MAP2K5: variants seen among roughly 807,000 people sequenced by gnomAD.
MAP2K5 encodes the protein mitogen-activated protein kinase kinase 5.
MAP2K5 carries 49 observed loss-of-function variants against 83.1 expected under a neutral mutation model. The observed-to-expected ratio is 0.59, with a 90% confidence interval of 0.47 to 0.75. The LOEUF (loss-of-function observed/expected upper bound fraction) is 0.75. MAP2K5 is among the 30% of genes least tolerant of loss of function. The probability of loss-of-function intolerance (pLI) is 0.00; values close to 1 mark genes in which losing one functional copy is unlikely to be tolerated. For synonymous variants in MAP2K5, 202 were observed against 191.8 expected (o/e 1.05, Z -0.44); for missense variants, 457 against 557.5 (o/e 0.82, Z 1.82).
At chr15:67,619,856 A>G (rs542072513) in intron 8 of MAP2K5, among the ~76,000 whole-genome samples, 1 of 152,130 alleles carries the variant, frequency 6.6e-6, no homozygotes, top group Non-Finnish European at 1.5e-5. Context: ...ATTTGAGGCC[A>G]GGAGTTCAAG....
chr15:67,666,306 T>C (rs1383401219), intron 13 of MAP2K5, among the ~76,000 whole-genome samples: 5 of 152,198 alleles, frequency 3.3e-5, no homozygotes, highest in African/African-American at 1.2e-4. Flanking sequence ...ATTATCTTGA[T>C]TTTTCTTCTT....
At chr15:67,641,567 A>C (rs1358656446) in intron 9 of MAP2K5, 1 of 998,462 alleles carries the variant, frequency 1.0e-6, no homozygotes, top group Non-Finnish European at 1.2e-6. Flanking sequence ...AGAGTAAATT[A>C]TAATTCAGTC....
At chr15:67,633,014 A>G (rs2086510309) in intron 9 of MAP2K5, among the ~76,000 whole-genome samples, 1 of 152,242 alleles carries the variant, frequency 6.6e-6, no homozygotes, top group Non-Finnish European at 1.5e-5. Context: ...GTAGAACTGG[A>G]AGAGACCTTG....
intron 6 of MAP2K5, among the ~76,000 whole-genome samples, chr15:67,592,324 G>C (rs1361625578): frequency 6.6e-6 from 1 of 152,016 alleles, no homozygotes; most frequent in Admixed American, 6.5e-5. Context: ...TAGATTTTTT[G>C]TAATATTTAA....
chr15:67,563,034 C>T lies in MAP2K5; in HGVS notation c.185-249C>T, dbSNP rs1485500706. ...ATACTCCAGTTATATTTACTTTAACCTAGAGATATGTTGTGAATGACATGA... is the reference window on the plus strand; with the variant it reads ...ATACTCCAGTTATATTTACTTTAACTTAGAGATATGTTGTGAATGACATGA... On this transcript the variant is annotated intron_variant, in intron 2 of 21. Transcript: ENST00000178640. This position sits in a 1 kb window ranked among gnomAD's most constrained non-coding sequence, Gnocchi z 4.5. Among the ~76,000 whole-genome samples, 6 of 152,028 alleles carry T rather than the reference C, an allele frequency of 3.9e-5. No individual in the cohort carries two copies. The East Asian group carries it at 1.2e-3, about 29-fold the overall frequency.
chr15:67,696,934 G>A (rs571255687), intron 15 of MAP2K5, among the ~76,000 whole-genome samples: 3 of 152,126 alleles, frequency 2.0e-5, no homozygotes, highest in African/African-American at 2.4e-5. Flanking sequence ...AGCTGAGATC[G>A]CACCATTGCA....
At chr15:67,784,113 C>G (rs1245724836) in intron 21 of MAP2K5, among the ~76,000 whole-genome samples, 3 of 152,202 alleles carry the variant, frequency 2.0e-5, no homozygotes, top group African/African-American at 7.2e-5. Context: ...TTAGAGCATT[C>G]TTTCATCTAA....
chr15:67,699,556 G>A (rs931631902), intron 15 of MAP2K5, among the ~76,000 whole-genome samples: 1 of 152,148 alleles, frequency 6.6e-6, no homozygotes, highest in African/African-American at 2.4e-5. Flanking sequence ...ATATGCATAC[G>A]TGTCCTAGGT....
In MAP2K5 at chr15:67,770,996, G is replaced by A. The variant is rs562874238; in HGVS notation, c.1196+1333G>A. On this transcript the variant is annotated intron_variant, in intron 20 of 21. Coordinates refer to ENST00000178640, the MANE Select transcript of MAP2K5 (RefSeq NM_145160.3). The surrounding 1 kb of genome is among the most constrained non-coding windows in gnomAD (Gnocchi z 5.0). Reference sequence around the variant, plus strand: ...TTTTATTTCCAAAGCATGCCATGTCGGAAAAAAGCATACATGTTGATTAAA... The same window carrying A: ...TTTTATTTCCAAAGCATGCCATGTCAGAAAAAAGCATACATGTTGATTAAA... Among the ~76,000 whole-genome samples, 10 of 151,854 alleles carry A rather than the reference G, an allele frequency of 6.6e-5. No individual in the cohort carries two copies. The highest frequency in any genetic ancestry group is 1.7e-4 in the African/African-American group (7 of 41,328).
rs558729978 is a variant in MAP2K5 at position 67,759,200 on chromosome 15, G to C, written c.1135-10402G>C. Among the ~76,000 whole-genome samples the C allele has an allele frequency of 2.0e-5, 3 of 152,086 alleles. No individual in the cohort carries two copies. In the South Asian group the frequency reaches 6.2e-4, roughly 32 times the overall value. On this transcript the variant is annotated intron_variant, in intron 19 of 21. Transcript: ENST00000178640. ...AAGCCACTGGGGTATGAAAATAGCC[G>C]GTGCTGGGGGGTGGGGGATGCTGAT...
intron 11 of MAP2K5, among the ~76,000 whole-genome samples, chr15:67,647,404 C>A (rs2086852821): frequency 6.6e-6 from 1 of 152,060 alleles, no homozygotes; most frequent in Non-Finnish European, 1.5e-5. Flanking sequence ...TGTGTTGTAA[C>A]TTTTATCATT....
At chr15:67,556,475 C>T (rs748869937) in intron 2 of MAP2K5, among the ~76,000 whole-genome samples, 1 of 151,626 alleles carries the variant, frequency 6.6e-6, no homozygotes, top group African/African-American at 2.4e-5. Context: ...TTGTATGTGT[C>T]GTATTGTGGG....
chr15:67,757,788 TG>T lies in MAP2K5; in HGVS notation c.1134+9189del, dbSNP rs2089868779. Among the ~76,000 whole-genome samples the T allele has an allele frequency of 6.6e-6, 1 of 152,138 alleles. No homozygotes were observed. Among genetic ancestry groups the T allele is most frequent in the Non-Finnish European group, 1.5e-5 (1 of 68,026 alleles). Reference sequence around the variant, plus strand: ...CTCACATAAATGGGTATTTACGATATGGTATTTAATGATGTTTGTAGCCATA... The same window carrying T: ...CTCACATAAATGGGTATTTACGATATGTATTTAATGATGTTTGTAGCCATA... On this transcript the variant is annotated intron_variant, in intron 19 of 21. Coordinates refer to ENST00000178640, the MANE Select transcript of MAP2K5 (RefSeq NM_145160.3). The surrounding 1 kb of genome is among the most constrained non-coding windows in gnomAD (Gnocchi z 4.9).
rs1412640003 is a variant in MAP2K5 at position 67,638,303 on chromosome 15, A to G, written c.585+7376A>G. On this transcript the variant is annotated intron_variant, in intron 9 of 21. Transcript: ENST00000178640. The surrounding 1 kb of genome is among the most constrained non-coding windows in gnomAD (Gnocchi z 4.5). ...TGTTCTCATAAGTTAGCTCCCACTT[A>G]TAAGTGAGAACATGTGGTATTCGGT... 6.6e-6 allele frequency among the ~76,000 whole-genome samples: 1 copy of G among 152,140 alleles called. No homozygotes were observed. The highest frequency in any genetic ancestry group is 2.4e-5 in the African/African-American group (1 of 41,434).
At chr15:67,618,435 G>A (rs1303079281) in intron 8 of MAP2K5, among the ~76,000 whole-genome samples, 1 of 152,176 alleles carries the variant, frequency 6.6e-6, no homozygotes, top group Non-Finnish European at 1.5e-5. Flanking sequence ...AAGTGAGCGT[G>A]TGTAGTTCCA....
At chr15:67,675,908 A>G (rs1354631799) in intron 13 of MAP2K5, among the ~76,000 whole-genome samples, 1 of 152,156 alleles carries the variant, frequency 6.6e-6, no homozygotes, top group Non-Finnish European at 1.5e-5. Context: ...GAAGCCTTAG[A>G]GGAGAAATAA....
Position 67,758,378 on chromosome 15 carries a change from A to G in MAP2K5, c.1134+9777A>G, listed in dbSNP as rs1280402895. Among the ~76,000 whole-genome samples, 1 of 152,160 alleles carries G rather than the reference A, an allele frequency of 6.6e-6. No homozygotes were observed. The highest frequency in any genetic ancestry group is 1.5e-5 in the Non-Finnish European group (1 of 68,034). On this transcript the variant is annotated intron_variant, in intron 19 of 21. Transcript: ENST00000178640. This position sits in a 1 kb window ranked among gnomAD's most constrained non-coding sequence, Gnocchi z 4.7. ...GTGGTACTCTCCTGAGATGGGGCAC[A>G]CGGAAAGAGAGGCATTTTCAAGGGA...
At chr15:67,642,466 G>A (rs1378546713) in intron 9 of MAP2K5, 1 of 1,607,928 alleles carries the variant, frequency 6.2e-7, no homozygotes, top group Non-Finnish European at 8.5e-7. Context: ...GAGGGCCAGA[G>A]CTAGAGATGA....
chr15:67,589,598 A>G (rs980815133), intron 6 of MAP2K5, among the ~76,000 whole-genome samples: 23 of 152,256 alleles, frequency 1.5e-4, no homozygotes, highest in Non-Finnish European at 2.9e-5. Context: ...AAGGCATTCT[A>G]TAAATGCAAT....
Sources: gnomAD v4.1 joint callset for allele counts (sites outside exome capture counted in the v4.1 genomes callset) on GRCh38, gnomAD v4.1.1 for gene constraint, Gnocchi (gnomAD v3.1) non-coding constraint, MANE v1.5 for transcripts, NCBI Gene and HGNC (gene_info 2026-07-23, HGNC 2026-07-21) for gene names.